Variants in DCC observed in about 807,000 individuals in gnomAD.
The protein encoded by DCC is DCC netrin 1 receptor.
In DCC, 58 loss-of-function variants were observed where a neutral mutation model predicts 172.5. The ratio of observed to expected loss-of-function variants is 0.34; its 90% CI spans 0.27 to 0.42. DCC has a LOEUF of 0.42. DCC is among the 10% of genes least tolerant of loss of function. The pLI is 1.00. For missense variants in DCC, 1,740 were observed against 1,791.0 expected (o/e 0.97, Z 0.51); for synonymous variants, 709 against 644.5 (o/e 1.10, Z -1.52).
intron 1 of DCC, among the ~76,000 whole-genome samples, chr18:52,497,886 T>G (rs544302908): frequency 4.9e-4 from 74 of 152,296 alleles, no homozygotes; most frequent in South Asian, 2.1e-3. Flanking sequence ...CATGAAGTTT[T>G]GAGAAGCTTG....
intron 12 of DCC, among the ~76,000 whole-genome samples, chr18:53,219,750 A>G (rs1450312589): frequency 6.6e-6 from 1 of 152,156 alleles, no homozygotes; most frequent in Non-Finnish European, 1.5e-5. Flanking sequence ...TTGTTTCAGC[A>G]CAACTTGGCA....
chr18:52,802,569 C>T lies in DCC; in HGVS notation c.412+50195C>T, dbSNP rs2038012427. On this transcript the variant is annotated intron_variant, in intron 2 of 28. Coordinates refer to ENST00000442544, the MANE Select transcript of DCC (RefSeq NM_005215.4). The stretch of plus-strand genomic sequence containing the variant: ...GGCCGACTGACTGCAGCCTCAGTCT[C>T]CTGAGCTCAAGTGGTCCTCCTGTTT... 1.4e-5 allele frequency among the ~76,000 whole-genome samples: 2 copies of T among 147,938 alleles called. 1 individual carries two copies. The highest frequency in any genetic ancestry group is 4.3e-4 in the South Asian group (2 of 4,684).
intron 26 of DCC, among the ~76,000 whole-genome samples, chr18:53,498,927 G>T (rs139180237): frequency 6.2e-4 from 94 of 152,258 alleles, no homozygotes; most frequent in African/African-American, 2.1e-3. Flanking sequence ...GCTGTAACAG[G>T]GTTTGGTACA....
At chr18:52,890,955 T>A (rs187882377) in intron 2 of DCC, among the ~76,000 whole-genome samples, 1 of 152,210 alleles carries the variant, frequency 6.6e-6, no homozygotes, top group African/African-American at 2.4e-5. Context: ...AAAAGCGGAA[T>A]GACTTTAAAA....
chr18:52,499,956 A>T (rs1598867802), intron 1 of DCC, among the ~76,000 whole-genome samples: 1 of 152,210 alleles, frequency 6.6e-6, no homozygotes, highest in Admixed American at 6.6e-5. Context: ...ATATCATCTC[A>T]TATGCTTTGC....
At chr18:53,406,703 C>CAAAAAAAAAAAAA (rs35372678) in intron 19 of DCC, among the ~76,000 whole-genome samples, 3 of 92,326 alleles carry the variant, frequency 3.2e-5, no homozygotes, top group Non-Finnish European at 7.8e-5. Flanking sequence ...GACTCTGTCT[C>CAAAAAAAAAAAAA]AAAAAAAAAA....
chr18:52,625,657 C>A (rs1167812269), intron 1 of DCC, among the ~76,000 whole-genome samples: 2 of 152,158 alleles, frequency 1.3e-5, no homozygotes, highest in Non-Finnish European at 2.9e-5. Flanking sequence ...CCACAGACAT[C>A]TCCTTAATAC....
intron 2 of DCC, among the ~76,000 whole-genome samples, chr18:52,808,202 C>T (rs994549043): frequency 4.6e-5 from 7 of 152,156 alleles, no homozygotes; most frequent in African/African-American, 1.4e-4. Flanking sequence ...CACTATCTAC[C>T]TGAATCTATT....
At chr18:53,070,400 C>T (rs530888924) in intron 7 of DCC, among the ~76,000 whole-genome samples, 96 of 152,272 alleles carry the variant, frequency 6.3e-4, no homozygotes, top group African/African-American at 2.1e-3. Flanking sequence ...TGTTTGAAGA[C>T]GGATGACAGC....
rs150266245 is a variant in DCC at position 53,406,914 on chromosome 18, G to A, written c.2936-3538G>A. On this transcript the variant is annotated intron_variant, in intron 19 of 28. Coordinates refer to ENST00000442544, the MANE Select transcript of DCC (RefSeq NM_005215.4). The stretch of plus-strand genomic sequence containing the variant: ...GAGGCCATTTTTTAGACTTTTGAAT[G>A]ATGAGGTCTGTTTCTATTCTCCATC... 2.6e-5 allele frequency among the ~76,000 whole-genome samples: 4 copies of A among 152,132 alleles called. No individual in the cohort carries two copies. The East Asian group carries it at 7.7e-4, about 29-fold the overall frequency.
At position 52,416,075 on chromosome 18, in the gene DCC, T is replaced by C. The variant is rs186558533; in HGVS notation, c.91+75197T>C. ...CCCAGAGATTCTGGTATGTTGTGTC[T>C]TTGTTCTCGTTGGTTTCAAAGAACA... On this transcript the variant is annotated intron_variant, in intron 1 of 28. Coordinates refer to ENST00000442544, the MANE Select transcript of DCC (RefSeq NM_005215.4). Among the ~76,000 whole-genome samples the C allele has an allele frequency of 3.6e-3, 543 of 152,302 alleles. 20 individuals carry two copies. In the East Asian group the frequency reaches 0.041, roughly 12 times the overall value.
At chr18:52,957,626 G>C (rs1219540822) in intron 5 of DCC, among the ~76,000 whole-genome samples, 1 of 152,108 alleles carries the variant, frequency 6.6e-6, no homozygotes. Flanking sequence ...AGACTATAAA[G>C]TATGTGTGAA....
chr18:53,380,507 GAA>G (rs1287142035), intron 15 of DCC, among the ~76,000 whole-genome samples: 1 of 152,072 alleles, frequency 6.6e-6, no homozygotes, highest in African/African-American at 2.4e-5. Flanking sequence ...ATCAGGACCG[GAA>G]CAAAATCCTA....
chr18:52,463,537 G>A (rs1290326701), intron 1 of DCC, among the ~76,000 whole-genome samples: 1 of 152,134 alleles, frequency 6.6e-6, no homozygotes, highest in Non-Finnish European at 1.5e-5. Flanking sequence ...AAGGAAGTGA[G>A]GCTTAAGAAG....
At chr18:53,500,216 G>A (rs2046079709) in intron 27 of DCC, among the ~76,000 whole-genome samples, 1 of 152,026 alleles carries the variant, frequency 6.6e-6, no homozygotes, top group African/African-American at 2.4e-5. Context: ...GTTGAGGAGG[G>A]GGAGAGAGAG....
intron 28 of DCC, among the ~76,000 whole-genome samples, chr18:53,529,038 T>TCACACACA (rs140593675): frequency 0.011 from 724 of 65,198 alleles, 13 homozygotes; most frequent in Middle Eastern, 0.038. Context: ...TCTCTCTCTC[T>TCACACACA]CACACACACA....
intron 1 of DCC, among the ~76,000 whole-genome samples, chr18:52,446,716 A>G (rs957290372): frequency 6.6e-6 from 1 of 152,330 alleles, no homozygotes; most frequent in Middle Eastern, 3.4e-3. Flanking sequence ...TGATTTGCAC[A>G]TGAGTGCCAC....
intron 1 of DCC, among the ~76,000 whole-genome samples, chr18:52,641,291 G>C (rs2034886461): frequency 6.6e-6 from 1 of 152,118 alleles, no homozygotes; most frequent in Non-Finnish European, 1.5e-5. Context: ...ACCCCTTCTA[G>C]ACATTAGCTT....
chr18:52,384,648 T>C (rs1395845899), intron 1 of DCC, among the ~76,000 whole-genome samples: 1 of 152,138 alleles, frequency 6.6e-6, no homozygotes, highest in Non-Finnish European at 1.5e-5. Flanking sequence ...ACTCATCAGC[T>C]CTTGTTTTTA....
Sources: gnomAD v4.1 joint callset for allele counts (sites outside exome capture counted in the v4.1 genomes callset) on GRCh38, gnomAD v4.1.1 for gene constraint, MANE v1.5 for transcripts, NCBI Gene and HGNC (gene_info 2026-07-23, HGNC 2026-07-21) for gene names.